Variants in BICC1 observed in about 807,000 individuals in gnomAD.
The protein encoded by BICC1 is protein bicaudal C homolog 1.
Under a neutral mutation model 111.0 loss-of-function variants are expected in BICC1, and 43 were observed. The ratio of observed to expected loss-of-function variants is 0.39; its 90% CI spans 0.30 to 0.50. The LOEUF (loss-of-function observed/expected upper bound fraction) is 0.50, where lower values mean the gene tolerates loss of function less well. Among genes scored for constraint, BICC1 ranks in the 20% least tolerant of loss-of-function variants. The pLI is 0.88. For synonymous variants in BICC1, 467 were observed against 434.4 expected, an observed-to-expected ratio of 1.07 and a Z score of -0.93; for missense variants, 1,091 against 1,203.2, an observed-to-expected ratio of 0.91 and a Z score of 1.38.
At chr10:58,532,267 G>T (rs1842701541) in intron 1 of BICC1, among the ~76,000 whole-genome samples, 1 of 150,856 alleles carries the variant, frequency 6.6e-6, no homozygotes, top group Non-Finnish European at 1.5e-5. Flanking sequence ...TTATATGAGG[G>T]ATCTTCAAAA....
intron 3 of BICC1, among the ~76,000 whole-genome samples, chr10:58,729,210 G>T (rs948259964): frequency 3.3e-5 from 5 of 152,156 alleles, no homozygotes; most frequent in African/African-American, 1.2e-4. Flanking sequence ...AGGCTGTTTT[G>T]TCTACGTTGA....
chr10:58,726,549 T>C (rs4948543), intron 3 of BICC1, among the ~76,000 whole-genome samples: 151,496 of 152,314 alleles, frequency 0.99, 75,348 homozygotes, highest in Middle Eastern at 1. Context: ...CGTTGTATAC[T>C]CAAGTATCAC....
At chr10:58,583,033 A>G (rs1244715104) in intron 1 of BICC1, among the ~76,000 whole-genome samples, 2 of 152,124 alleles carry the variant, frequency 1.3e-5, no homozygotes, top group African/African-American at 4.8e-5. Flanking sequence ...CCACATATCC[A>G]ACACAGAATT....
chr10:58,697,284 C>T (rs553435790), intron 2 of BICC1, among the ~76,000 whole-genome samples: 2 of 152,096 alleles, frequency 1.3e-5, no homozygotes, highest in Non-Finnish European at 2.9e-5. Context: ...TGTACAATAT[C>T]CTCTTGAAAA....
At chr10:58,803,338 G>T in intron 15 of BICC1, 96 bp downstream of exon 15, 2 of 1,095,872 alleles carry the variant, frequency 1.8e-6, no homozygotes, top group Admixed American at 3.7e-5. Flanking sequence ...GCAGAAATTA[G>T]GTTTTCCTTC....
At chr10:58,792,516 C>G (rs1290141818) in intron 8 of BICC1, among the ~76,000 whole-genome samples, 1 of 152,114 alleles carries the variant, frequency 6.6e-6, no homozygotes, top group African/African-American at 2.4e-5. Context: ...AGAGGCTTCC[C>G]ATCACTCACA....
At chr10:58,731,576 A>G (rs1841295794) in intron 3 of BICC1, among the ~76,000 whole-genome samples, 1 of 152,202 alleles carries the variant, frequency 6.6e-6, no homozygotes, top group African/African-American at 2.4e-5. Flanking sequence ...AAGAGGCTTA[A>G]TTGTCTTGTG....
chr10:58,676,714 C>T (rs1024974616), intron 2 of BICC1, among the ~76,000 whole-genome samples: 2 of 152,208 alleles, frequency 1.3e-5, no homozygotes, highest in Non-Finnish European at 2.9e-5. Flanking sequence ...CAGACTGCCT[C>T]CTCAAGTGGG....
intron 1 of BICC1, among the ~76,000 whole-genome samples, chr10:58,582,697 G>A (rs1018143466): frequency 6.6e-6 from 1 of 152,150 alleles, no homozygotes; most frequent in Non-Finnish European, 1.5e-5. Flanking sequence ...CCTTCTAGAA[G>A]CCCTGGGGGA....
chr10:58,743,180 G>A (rs1013878879), intron 3 of BICC1, among the ~76,000 whole-genome samples: 1 of 152,140 alleles, frequency 6.6e-6, no homozygotes, highest in Non-Finnish European at 1.5e-5. Context: ...AGACATATTT[G>A]GCTGGAATGC....
chr10:58,804,676 C>G (rs907881308), intron 15 of BICC1, among the ~76,000 whole-genome samples: 1 of 152,120 alleles, frequency 6.6e-6, no homozygotes, highest in Non-Finnish European at 1.5e-5. Context: ...CCTTTTCCAT[C>G]AGATTTATAC....
chr10:58,718,759 TGTGTGTGCGCGC>T (rs929975874), intron 3 of BICC1, among the ~76,000 whole-genome samples: 3 of 149,750 alleles, frequency 2.0e-5, no homozygotes, highest in South Asian at 4.3e-4. Flanking sequence ...TGTGTGTGTG[TGTGTGTGCGCGC>T]GCGCGTGCGC....
intron 1 of BICC1, among the ~76,000 whole-genome samples, chr10:58,536,565 C>A (rs959316534): frequency 3.3e-5 from 5 of 151,692 alleles, no homozygotes; most frequent in African/African-American, 1.2e-4. Context: ...ACAGCAAAAG[C>A]AGTGTTAAGA....
Position 58,779,505 on chromosome 10 carries a change from G to A in BICC1, c.308-5496G>A, listed in dbSNP as rs151100559. ...ATTTTAAGTGAGCTACCTACCATGA[G>A]TTATCAAAAATTGTAAAATAAAGTT... On this transcript the variant is annotated intron_variant, in intron 3 of 20. Transcript: ENST00000373886. 5.2e-4 allele frequency among the ~76,000 whole-genome samples: 79 copies of A among 152,296 alleles called. 1 individual carries two copies. The highest frequency in any genetic ancestry group is 3.4e-3 in the Middle Eastern group (1 of 294).
At position 58,702,153 on chromosome 10, in the gene BICC1, G is replaced by A. The variant is rs1840257323; in HGVS notation, c.307+10G>A. On this transcript the variant is annotated intron_variant, in intron 3 of 20. Transcript: ENST00000373886. ...GCCAAATCCAAGAAAGGTAAATTGTGAGAGGGCAAGAAATAGGTGGTTTTG... is the reference window on the plus strand; with the variant it reads ...GCCAAATCCAAGAAAGGTAAATTGTAAGAGGGCAAGAAATAGGTGGTTTTG... 2 of 1,606,130 alleles carry A rather than the reference G, an allele frequency of 1.2e-6. No homozygotes were observed.
chr10:58,579,450 A>T (rs1170261050), intron 1 of BICC1, among the ~76,000 whole-genome samples: 1 of 152,206 alleles, frequency 6.6e-6, no homozygotes. Context: ...GGCATTATTC[A>T]TGGTGAACAC....
chr10:58,773,579 T>A (rs1842674327), intron 3 of BICC1, among the ~76,000 whole-genome samples: 1 of 152,128 alleles, frequency 6.6e-6, no homozygotes, highest in South Asian at 2.1e-4. Flanking sequence ...AAAAGGAAAC[T>A]GCCAAGAGAC....
At chr10:58,559,777 G>T (rs1843553909) in intron 1 of BICC1, among the ~76,000 whole-genome samples, 1 of 151,994 alleles carries the variant, frequency 6.6e-6, no homozygotes, top group Admixed American at 6.6e-5. Context: ...TGTGTAATTT[G>T]TTGAGAATTT....
intron 3 of BICC1, among the ~76,000 whole-genome samples, chr10:58,714,453 GC>G (rs992611803): frequency 3.9e-5 from 6 of 152,160 alleles, no homozygotes; most frequent in Non-Finnish European, 8.8e-5. Context: ...GTTTAATTGT[GC>G]AATTTAAACT....
Sources: allele counts gnomAD v4.1 joint callset (sites outside exome capture counted in the v4.1 genomes callset), GRCh38; gene constraint gnomAD v4.1.1; transcripts MANE v1.5; gene names NCBI Gene and HGNC (gene_info 2026-07-23, HGNC 2026-07-21).